Variants in AOPEP observed in about 807,000 individuals in gnomAD.
AOPEP encodes aminopeptidase O (putative).
AOPEP carries 77 observed loss-of-function variants against 98.1 expected under a neutral mutation model. The observed-to-expected ratio is 0.78, with a 90% CI of 0.65 to 0.95. The LOEUF (loss-of-function observed/expected upper bound fraction) is 0.95, where lower values mean the gene tolerates loss of function less well. AOPEP is among the 40% of genes least tolerant of loss of function. The pLI is 0.00. For missense variants in AOPEP, 1,024 were observed against 1,024.7 expected, an observed-to-expected ratio of 1.00 and a Z score of 0.01; for synonymous variants, 346 against 365.3, an observed-to-expected ratio of 0.95 and a Z score of 0.60.
intron 14 of AOPEP, among the ~76,000 whole-genome samples, chr9:95,066,204 G>A (rs1564595367): frequency 2.0e-5 from 3 of 152,090 alleles, no homozygotes; most frequent in Non-Finnish European, 2.9e-5. Context: ...AAGTCAGGAC[G>A]GTCTGTCTCT....
chr9:95,008,228 T>C (rs921001537), intron 13 of AOPEP, among the ~76,000 whole-genome samples: 1 of 152,214 alleles, frequency 6.6e-6, no homozygotes, highest in African/African-American at 2.4e-5. Flanking sequence ...AGGGTCTGTC[T>C]ACACCTGCAG....
chr9:94,967,937 G>C (rs1179697365), intron 10 of AOPEP, 136 bp downstream of exon 10: 2 of 729,282 alleles, frequency 2.7e-6, no homozygotes, highest in Non-Finnish European at 4.8e-6. Flanking sequence ...AGTTCTGCCA[G>C]TGGGAGTACA....
intron 13 of AOPEP, among the ~76,000 whole-genome samples, chr9:95,034,933 A>G (rs2064653428): frequency 6.6e-6 from 1 of 151,098 alleles, no homozygotes; most frequent in Non-Finnish European, 1.5e-5. Context: ...ATAACACCCA[A>G]CATTTCATTT....
At chr9:94,906,941 T>C (rs1210255071) in intron 5 of AOPEP, among the ~76,000 whole-genome samples, 4 of 152,210 alleles carry the variant, frequency 2.6e-5, no homozygotes, top group Non-Finnish European at 4.4e-5. Context: ...GACACAGAGC[T>C]GTTCCCCCCA....
chr9:94,732,704 G>A (rs935876706), intron 1 of AOPEP, among the ~76,000 whole-genome samples: 1 of 152,168 alleles, frequency 6.6e-6, no homozygotes, highest in Non-Finnish European at 1.5e-5. Flanking sequence ...GCACATCAAA[G>A]GAGAAATGGG....
chr9:94,860,639 G>T (rs148370428), intron 5 of AOPEP, among the ~76,000 whole-genome samples: 13 of 152,262 alleles, frequency 8.5e-5, no homozygotes, highest in Non-Finnish European at 1.5e-4. Context: ...AGTTTTATAT[G>T]GGGAGATGAT....
At chr9:94,747,286 G>A (rs953434247) in intron 1 of AOPEP, among the ~76,000 whole-genome samples, 3 of 152,108 alleles carry the variant, frequency 2.0e-5, no homozygotes, top group African/African-American at 7.2e-5. Context: ...TTTATTTATA[G>A]TTAAGGGAAT....
chr9:95,118,861 T>C, the AOPEP span, among the ~76,000 whole-genome samples: 2 of 152,222 alleles, frequency 1.3e-5, no homozygotes, highest in Non-Finnish European at 2.9e-5. Context: ...CTGTCATGAA[T>C]AAAGCTGTAG....
intron 1 of AOPEP, among the ~76,000 whole-genome samples, chr9:94,752,648 A>G (rs1836089990): frequency 6.6e-6 from 1 of 152,250 alleles, no homozygotes. Context: ...AATAATTACT[A>G]AAGATAAACT....
At chr9:94,761,970 A>G (rs1234942863) in intron 2 of AOPEP, among the ~76,000 whole-genome samples, 2 of 152,216 alleles carry the variant, frequency 1.3e-5, no homozygotes, top group East Asian at 1.9e-4. Flanking sequence ...ATACTCCTAG[A>G]TATTTCAGTT....
At chr9:95,087,804 A>G (rs1191503410), downstream of AOPEP, among the ~76,000 whole-genome samples, 1 of 152,112 alleles carries the variant, frequency 6.6e-6, no homozygotes, top group Non-Finnish European at 1.5e-5. Flanking sequence ...ATGCCTGGAG[A>G]AGGCTGTAGG....
chr9:95,020,537 G>A (rs1402625599), intron 13 of AOPEP, among the ~76,000 whole-genome samples: 1 of 151,832 alleles, frequency 6.6e-6, no homozygotes, highest in Non-Finnish European at 1.5e-5. Flanking sequence ...TTACATTAGT[G>A]GATTTTACAA....
chr9:94,751,072 A>G (rs1316636785), intron 1 of AOPEP, among the ~76,000 whole-genome samples: 1 of 152,096 alleles, frequency 6.6e-6, no homozygotes, highest in Non-Finnish European at 1.5e-5. Flanking sequence ...CACAAAAAAG[A>G]AAAATTGCAA....
chr9:95,030,781 A>G (rs1307565934), intron 13 of AOPEP, among the ~76,000 whole-genome samples: 6 of 152,194 alleles, frequency 3.9e-5, no homozygotes, highest in Non-Finnish European at 8.8e-5. Flanking sequence ...TGTAGGCGCA[A>G]TATGGAAATT....
intron 14 of AOPEP, among the ~76,000 whole-genome samples, chr9:95,062,261 G>T (rs1587857093): frequency 9.9e-5 from 1 of 10,130 alleles, no homozygotes; most frequent in Non-Finnish European, 1.2e-3. Flanking sequence ...CAGATCTCTA[G>T]TACAGCGCAG....
chr9:94,977,362 G>A (rs2059914230), intron 10 of AOPEP, among the ~76,000 whole-genome samples: 1 of 152,132 alleles, frequency 6.6e-6, no homozygotes, highest in African/African-American at 2.4e-5. Flanking sequence ...GGCTTCTGCA[G>A]TACTCTATGT....
In AOPEP at chr9:94,774,710, T is replaced by C. The variant is rs533958224; in HGVS notation, c.964+1542T>C. Among the ~76,000 whole-genome samples, 8 of 152,334 alleles carry C rather than the reference T, an allele frequency of 5.3e-5. No homozygotes were observed. The East Asian group carries it at 1.5e-3, about 29-fold the overall frequency. ...GCATTAAATTCCAGGGGAGACATTT[T>C]ATATAAAATTAGAATTACTGAGTCA... On this transcript the variant is annotated intron_variant, in intron 3 of 16. Transcript: ENST00000375315.
At chr9:94,885,008 C>CA (rs59763820) in intron 5 of AOPEP, among the ~76,000 whole-genome samples, 3,353 of 113,634 alleles carry the variant, frequency 0.03, 100 homozygotes, top group African/African-American at 0.068. Flanking sequence ...GACTCCGTCT[C>CA]AAAAAAAAAA....
intron 9 of AOPEP, among the ~76,000 whole-genome samples, chr9:94,965,685 G>A (rs1028067355): frequency 6.6e-6 from 1 of 152,070 alleles, no homozygotes; most frequent in African/African-American, 2.4e-5. Flanking sequence ...GCCTCAGTCT[G>A]CAGTTAAATG....
Sources: gnomAD v4.1 joint callset for allele counts (sites outside exome capture counted in the v4.1 genomes callset) on GRCh38, gnomAD v4.1.1 for gene constraint, MANE v1.5 for transcripts, NCBI Gene and HGNC (gene_info 2026-07-23, HGNC 2026-07-21) for gene names.